NPAS2: variants seen among roughly 807,000 people sequenced by gnomAD.
NPAS2 encodes neuronal PAS domain protein 2, also known as neuronal PAS domain-containing protein 2.
A neutral mutation model predicts 107.5 loss-of-function variants in NPAS2; 23 were observed. That is an observed-to-expected ratio of 0.21 (90% CI 0.15 to 0.30). The LOEUF (loss-of-function observed/expected upper bound fraction) is 0.30, where lower values mean the gene tolerates loss of function less well. Ranked by LOEUF, NPAS2 falls within the 10% of genes least tolerant of loss-of-function variation. The pLI, the probability that NPAS2 is intolerant of heterozygous loss-of-function variation, is 1.00. For missense variants in NPAS2, 756 were observed against 1,043.3 expected (o/e 0.72, Z 3.79); for synonymous variants, 403 against 417.5 (o/e 0.97, Z 0.42).
In NPAS2 at chr2:100,963,390, G is replaced by GTTTGTTTTGTTTTGT. The variant is rs552393797; in HGVS notation, c.599-650_599-636dup. On this transcript the variant is annotated intron_variant, in intron 7 of 20. Coordinates refer to ENST00000335681, the MANE Select transcript of NPAS2 (RefSeq NM_002518.4). Reference sequence around the variant, plus strand: ...AATGAGGCTGTCTTCTCTTTTTTTTGTTTGTTTTGTTTTGTTTTGTTTTGT... The same window carrying GTTTGTTTTGTTTTGT: ...AATGAGGCTGTCTTCTCTTTTTTTTGTTTGTTTTGTTTTGTTTTGTTTTGTTTTGTTTTGTTTTGT... Among the ~76,000 whole-genome samples the GTTTGTTTTGTTTTGT allele has an allele frequency of 9.8e-3, 1,461 of 149,108 alleles. 25 individuals are homozygous for GTTTGTTTTGTTTTGT. Among genetic ancestry groups the GTTTGTTTTGTTTTGT allele is most frequent in the African/African-American group, 0.035 (1,364 of 38,912 alleles).
At chr2:100,823,648 A>C (rs558038452) in intron 1 of NPAS2, 1 of 152,362 alleles carries the variant, frequency 6.6e-6, no homozygotes, top group South Asian at 2.1e-4. Context: ...CACTGAATCC[A>C]GTTCAGCATG....
At chr2:100,889,442 A>G (rs1352488207) in intron 1 of NPAS2, among the ~76,000 whole-genome samples, 1 of 152,192 alleles carries the variant, frequency 6.6e-6, no homozygotes, top group Non-Finnish European at 1.5e-5. Flanking sequence ...GCCGTGTGAC[A>G]TTCGAGGAGA....
intron 16 of NPAS2, chr2:100,984,833 T>A (rs146464456): frequency 3.2e-4 from 48 of 152,200 alleles, no homozygotes; most frequent in Admixed American, 8.5e-4. Context: ...TTCAAAACTT[T>A]CGTCGAGGCT....
Position 100,993,522 on chromosome 2 carries a change from C to T in NPAS2, c.2287C>T (p.Leu763=). ...CCGGCAGCAGCCACCGCAGCACTACCTGCAGGTGGGTGCCACGGCCCAGGG... is the reference window on the plus strand; with the variant it reads ...CCGGCAGCAGCCACCGCAGCACTACTTGCAGGTGGGTGCCACGGCCCAGGG... ...QARQQPPQHY[L]QVQAPTSLHS... is the part of the protein sequence containing the mutation. The change falls in exon 20 of 21, where the codon CTG becomes TTG. Residue 763 remains leucine (L), a synonymous_variant. Coordinates refer to ENST00000335681, the MANE Select transcript of NPAS2 (RefSeq NM_002518.4). 1 of 1,560,658 alleles carries T rather than the reference C, an allele frequency of 6.4e-7. No homozygotes were observed.
chr2:100,993,496 C>A lies in NPAS2; in HGVS notation c.2261C>A (p.Ala754Asp). 6.3e-7 allele frequency: 1 copy of A among 1,597,336 alleles called. No individual in the cohort carries two copies. Among genetic ancestry groups the A allele is most frequent in the Non-Finnish European group, 8.5e-7 (1 of 1,172,124 alleles). Residue 754 changes from alanine (A) to aspartate (D), a missense_variant, in exon 20 of 21, where the codon GCC (alanine) becomes GAC (aspartate). Physicochemically the swap from Ala to Asp is moderately radical, Grantham distance 126. Transcript: ENST00000335681. ...SQPSPLQPAQARQQPPQHYLQ... is the reference protein window; with the variant it reads ...SQPSPLQPAQDRQQPPQHYLQ... Reference sequence around the variant, plus strand: ...CCATCGCCCCTGCAGCCTGCACAGGCCCGGCAGCAGCCACCGCAGCACTAC... The same window carrying A: ...CCATCGCCCCTGCAGCCTGCACAGGACCGGCAGCAGCCACCGCAGCACTAC...
intron 1 of NPAS2, among the ~76,000 whole-genome samples, chr2:100,830,782 A>G (rs1308412020): frequency 6.6e-6 from 1 of 152,176 alleles, no homozygotes; most frequent in East Asian, 1.9e-4. Context: ...GATGGCTTCA[A>G]TTTTCCATTA....
intron 1 of NPAS2, among the ~76,000 whole-genome samples, chr2:100,892,451 G>A (rs573616642): frequency 7.2e-5 from 11 of 151,810 alleles, no homozygotes; most frequent in Non-Finnish European, 1.0e-4. Flanking sequence ...TAGCGTTTGC[G>A]TATGGTCACG....
intron 15 of NPAS2, among the ~76,000 whole-genome samples, chr2:100,980,325 G>A (rs1354721339): frequency 2.0e-5 from 3 of 152,168 alleles, no homozygotes; most frequent in African/African-American, 7.2e-5. Context: ...TTTGTGTTTC[G>A]TTAAATACTT....
chr2:100,966,206 G>A (rs900749707), intron 10 of NPAS2, among the ~76,000 whole-genome samples: 3 of 152,114 alleles, frequency 2.0e-5, no homozygotes, highest in Non-Finnish European at 4.4e-5. Context: ...TTGCTGTCCC[G>A]CAGGGCAGGT....
chr2:100,913,297 G>A (rs1043674025), intron 2 of NPAS2, among the ~76,000 whole-genome samples: 3 of 152,106 alleles, frequency 2.0e-5, no homozygotes, highest in Admixed American at 1.3e-4. Flanking sequence ...CACCAGTTCC[G>A]AACATAGCTT....
chr2:100,913,220 C>A (rs1558866621), intron 2 of NPAS2, among the ~76,000 whole-genome samples: 2 of 152,308 alleles, frequency 1.3e-5, no homozygotes, highest in Admixed American at 1.3e-4. Flanking sequence ...TATCTGCATA[C>A]CTATTTGTAC....
intron 1 of NPAS2, among the ~76,000 whole-genome samples, chr2:100,825,351 A>C (rs766239349): frequency 3.2e-4 from 49 of 151,838 alleles, no homozygotes; most frequent in Non-Finnish European, 6.0e-4. Context: ...GAAGGAAAAA[A>C]CCCCACAATT....
intron 1 of NPAS2, among the ~76,000 whole-genome samples, chr2:100,856,689 A>G (rs950442346): frequency 1.7e-5 from 2 of 117,270 alleles, no homozygotes; most frequent in Non-Finnish European, 3.3e-5. Context: ...AGCAATGTAG[A>G]GAGAATGTGT....
At chr2:100,925,915 C>G (rs943088255) in intron 3 of NPAS2, among the ~76,000 whole-genome samples, 9 of 152,180 alleles carry the variant, frequency 5.9e-5, no homozygotes, top group African/African-American at 2.2e-4. Flanking sequence ...AAAAAGAAAC[C>G]CTGTATCCAT....
intron 5 of NPAS2, among the ~76,000 whole-genome samples, chr2:100,947,953 A>G (rs1314562491): frequency 1.3e-5 from 2 of 152,230 alleles, no homozygotes; most frequent in African/African-American, 4.8e-5. Flanking sequence ...GCACTTCTCA[A>G]GCAACAGGAG....
chr2:100,958,721 C>A (rs1675727644), intron 7 of NPAS2, among the ~76,000 whole-genome samples: 1 of 152,080 alleles, frequency 6.6e-6, no homozygotes, highest in Non-Finnish European at 1.5e-5. Context: ...TACAAGTTGT[C>A]CCATAATCGT....
intron 12 of NPAS2, among the ~76,000 whole-genome samples, chr2:100,974,104 A>G (rs552413250): frequency 3.9e-5 from 6 of 152,312 alleles, no homozygotes; most frequent in African/African-American, 1.4e-4. Context: ...AGCCTCCCAA[A>G]GAGCTGGGAT....
intron 1 of NPAS2, among the ~76,000 whole-genome samples, chr2:100,824,778 CCATT>C (rs1662176462): frequency 6.6e-6 from 1 of 152,160 alleles, no homozygotes; most frequent in African/African-American, 2.4e-5. Context: ...TTTTGGGATT[CCATT>C]TATTATTTGC....
intron 1 of NPAS2, among the ~76,000 whole-genome samples, chr2:100,882,657 A>G (rs979031232): frequency 6.6e-6 from 1 of 152,174 alleles, no homozygotes; most frequent in Non-Finnish European, 1.5e-5. Context: ...CCGAAAACAC[A>G]CTTTATAAAG....
Sources: allele counts gnomAD v4.1 joint callset (sites outside exome capture counted in the v4.1 genomes callset), GRCh38; gene constraint gnomAD v4.1.1; transcripts MANE v1.5; gene names NCBI Gene and HGNC (gene_info 2026-07-23, HGNC 2026-07-21).